HECTD4: variants seen among roughly 807,000 people sequenced by gnomAD.
HECTD4 encodes probable E3 ubiquitin-protein ligase HECTD4.
In HECTD4, 114 loss-of-function variants were observed where a neutral mutation model predicts 471.5. The observed-to-expected ratio is 0.24, with a 90% confidence interval of 0.21 to 0.28. The LOEUF (loss-of-function observed/expected upper bound fraction) is 0.28, where lower values mean the gene tolerates loss of function less well. HECTD4 is among the 10% of genes least tolerant of loss of function. The probability of loss-of-function intolerance (pLI) is 1.00; values close to 1 mark genes in which losing one functional copy is unlikely to be tolerated. For synonymous variants in HECTD4, 2,012 were observed against 2,256.0 expected (o/e 0.89, Z 3.07); for missense variants, 3,866 against 5,651.5 (o/e 0.68, Z 10.13).
chr12:112,322,388 G>C (rs1221073389), intron 1 of HECTD4: 5 of 152,188 alleles, frequency 3.3e-5, no homozygotes, highest in Non-Finnish European at 5.9e-5. Flanking sequence ...AAAAAAAAAA[G>C]AAATGATGCA....
At chr12:112,178,103 C>T (rs777191785) in intron 64 of HECTD4, among the ~76,000 whole-genome samples, 4 of 152,202 alleles carry the variant, frequency 2.6e-5, no homozygotes, top group East Asian at 1.9e-4. Flanking sequence ...GATAGGGTCT[C>T]GTTCTGTCAC....
intron 64 of HECTD4, 131 bp downstream of exon 64, chr12:112,178,800 C>T (rs1418395891): frequency 9.2e-6 from 10 of 1,092,634 alleles, no homozygotes; most frequent in Admixed American, 8.6e-5. Context: ...CCAGCCTGGG[C>T]GACAAAGCAT....
At chr12:112,175,884 G>C (rs1461187970) in intron 65 of HECTD4, 25 bp from the exon 66 acceptor site, 4 of 1,611,948 alleles carry the variant, frequency 2.5e-6, no homozygotes, top group Non-Finnish European at 3.4e-6. Flanking sequence ...TCAGTGTGAG[G>C]AATCTGGTGA....
intron 51 of HECTD4, among the ~76,000 whole-genome samples, 198 bp downstream of exon 51, chr12:112,208,296 G>A (rs1188189249): frequency 6.6e-6 from 1 of 152,202 alleles, no homozygotes; most frequent in Non-Finnish European, 1.5e-5. Flanking sequence ...GGGCAAAATG[G>A]CCCAACGGAT....
chr12:112,251,156 A>G (rs766570945), intron 23 of HECTD4, 22 bp from the exon 24 acceptor site: 2 of 1,610,874 alleles, frequency 1.2e-6, no homozygotes, highest in Non-Finnish European at 1.7e-6. Context: ...ACAGGGGTAA[A>G]CCACACTGGT....
intron 2 of HECTD4, among the ~76,000 whole-genome samples, chr12:112,317,767 T>TGGGCCTTGGTTGTTTGAGAC (rs2035507518): frequency 2.0e-5 from 3 of 151,602 alleles, no homozygotes; most frequent in Non-Finnish European, 4.4e-5. Flanking sequence ...TTGCTTCAGC[T>TGGGCCTTGGTTGTTTGAGAC]CAGGAGTTTG....
At chr12:112,373,013 G>A (rs1317780820) in intron 1 of HECTD4, among the ~76,000 whole-genome samples, 1 of 152,106 alleles carries the variant, frequency 6.6e-6, no homozygotes, top group East Asian at 1.9e-4. Flanking sequence ...CCATAGTGCT[G>A]AGATTACAGG....
chr12:112,359,973 C>T (rs911541668), intron 1 of HECTD4, among the ~76,000 whole-genome samples: 5 of 152,196 alleles, frequency 3.3e-5, no homozygotes, highest in East Asian at 3.8e-4. Context: ...GGGAGGAATA[C>T]GCACAGGTGC....
chr12:112,176,557 T>C, intron 65 of HECTD4, 39 bp downstream of exon 65: 2 of 1,423,606 alleles, frequency 1.4e-6, no homozygotes, highest in Non-Finnish European at 2.0e-6. Flanking sequence ...AGGATGGAAG[T>C]AGGTCCCAGC....
At position 112,188,105 on chromosome 12, in the gene HECTD4, G is replaced by T. The variant is rs2031946083; in HGVS notation, c.9473-2612C>A. Among the ~76,000 whole-genome samples, 1 of 151,880 alleles carries T rather than the reference G, an allele frequency of 6.6e-6. No individual in the cohort carries two copies. Among genetic ancestry groups the T allele is most frequent in the Non-Finnish European group, 1.5e-5 (1 of 67,952 alleles). ...AGACTGAGACCAGCCTGGCTAACAT[G>T]GTGAAATCCTGTTTCTACTAAAAAT... On this transcript the variant is annotated intron_variant, in intron 60 of 75. Coordinates refer to ENST00000682272, the MANE Select transcript of HECTD4 (RefSeq NM_001388303.1). This position sits in a 1 kb window ranked among gnomAD's most constrained non-coding sequence, Gnocchi z 4.2.
Position 112,365,772 on chromosome 12 carries a change from G to T in HECTD4, c.177+16180C>A, listed in dbSNP as rs139785052. Among the ~76,000 whole-genome samples, 908 of 91,994 alleles carry T rather than the reference G, an allele frequency of 9.9e-3. 5 individuals are homozygous for T. The highest frequency in any genetic ancestry group is 0.027 in the African/African-American group (648 of 24,302). The allele number at this position is 91,994 out of a possible 152,430, so 60.4% of individuals were successfully genotyped here. A position where few individuals can be genotyped will look rare whatever the true frequency, so the allele number is the denominator to read the frequency against. On this transcript the variant is annotated intron_variant, in intron 1 of 75. Coordinates refer to ENST00000682272, the MANE Select transcript of HECTD4 (RefSeq NM_001388303.1). ...TGCTGCTTCTTTGTGTTTTTTTTTT[G>T]TTTTTTTTTTTTTTTTTGAGACAGG...
chr12:112,287,686 T>TAGGTAG (rs1296269438), intron 7 of HECTD4, among the ~76,000 whole-genome samples: 1 of 151,632 alleles, frequency 6.6e-6, no homozygotes, highest in Non-Finnish European at 1.5e-5. Flanking sequence ...GTAATCCCAG[T>TAGGTAG]AGGTAGAGGC....
At chr12:112,370,548 A>G (rs1256444489) in intron 1 of HECTD4, among the ~76,000 whole-genome samples, 1 of 152,234 alleles carries the variant, frequency 6.6e-6, no homozygotes, top group Non-Finnish European at 1.5e-5. Context: ...AAAGCAAGTT[A>G]CAGAAAGATA....
At position 112,162,414 on chromosome 12, in the gene HECTD4, G is replaced by A. The variant is rs1352197504; in HGVS notation, c.13230C>T (p.His4410=). 7 of 1,614,064 alleles carry A rather than the reference G, an allele frequency of 4.3e-6. No homozygotes were observed. The highest frequency in any genetic ancestry group is 5.9e-6 in the Non-Finnish European group (7 of 1,179,894). The part of the protein sequence containing the change: ...IMLEKLRCAI[H]YREDPLSG ...AGCCACTGAGGGGGTCTTCACGGTA[G>A]TGAATGGCACAACGAAGTTTCTCCA... Residue 4410 remains histidine, a synonymous_variant, in exon 76 of 76, where the codon CAC becomes CAT. Transcript: ENST00000682272. The surrounding 1 kb of genome is among the most constrained non-coding windows in gnomAD (Gnocchi z 5.2).
intron 1 of HECTD4, among the ~76,000 whole-genome samples, chr12:112,327,423 TTAAA>T (rs2035768292): frequency 6.6e-6 from 1 of 151,982 alleles, no homozygotes; most frequent in African/African-American, 2.4e-5. Context: ...AATTAAATCA[TTAAA>T]TAAAAAATTA....
chr12:112,296,670 T>C (rs577084608), intron 7 of HECTD4, among the ~76,000 whole-genome samples: 8 of 145,664 alleles, frequency 5.5e-5, no homozygotes, highest in South Asian at 4.4e-4. Flanking sequence ...GCAGAGGGTG[T>C]AGGTGCAGCA....
intron 38 of HECTD4, 53 bp downstream of exon 38, chr12:112,232,951 A>ATCTTAATTTGTTC: frequency 7.0e-7 from 1 of 1,427,056 alleles, no homozygotes; most frequent in Non-Finnish European, 9.7e-7. Context: ...AATCTAAAGC[A>ATCTTAATTTGTTC]TGACAAATAC....
intron 16 of HECTD4, among the ~76,000 whole-genome samples, chr12:112,264,751 C>T (rs964040158): frequency 3.3e-5 from 5 of 152,130 alleles, no homozygotes; most frequent in Non-Finnish European, 7.4e-5. Flanking sequence ...TAGTAATCCA[C>T]GGACTTTCAT....
intron 1 of HECTD4, among the ~76,000 whole-genome samples, chr12:112,378,340 T>A (rs752229714): frequency 7.8e-4 from 119 of 151,996 alleles, no homozygotes; most frequent in Non-Finnish European, 1.5e-3. Flanking sequence ...TGCCTCAGCC[T>A]CCCGAGTAGC....
Sources: allele counts gnomAD v4.1 joint callset (sites outside exome capture counted in the v4.1 genomes callset), GRCh38; gene constraint gnomAD v4.1.1; non-coding constraint Gnocchi (gnomAD v3.1); transcripts MANE v1.5; gene names NCBI Gene and HGNC (gene_info 2026-07-23, HGNC 2026-07-21).